Variants in ABCC4 observed in about 807,000 individuals in gnomAD.
ABCC4 encodes ATP-binding cassette sub-family C member 4.
In ABCC4, 102 loss-of-function variants were observed where a neutral mutation model predicts 168.5. The ratio of observed to expected loss-of-function variants is 0.61; its 90% CI spans 0.52 to 0.71. The LOEUF (loss-of-function observed/expected upper bound fraction) is 0.71. ABCC4 is among the 30% of genes least tolerant of loss of function. The pLI is 0.00. For missense variants in ABCC4, 1,402 were observed against 1,605.8 expected (o/e 0.87, Z 2.17); for synonymous variants, 617 against 590.7 (o/e 1.04, Z -0.65).
intron 27 of ABCC4, 122 bp from the exon 28 acceptor site, chr13:95,044,560 A>G (rs2032498107): frequency 2.6e-6 from 2 of 772,136 alleles, no homozygotes; most frequent in Non-Finnish European, 3.9e-6. Flanking sequence ...GTGGACACAC[A>G]CATGAGGCTG....
intron 3 of ABCC4, among the ~76,000 whole-genome samples, chr13:95,245,917 A>C: frequency 8.6e-6 from 1 of 115,658 alleles, no homozygotes; most frequent in Non-Finnish European, 1.7e-5. Flanking sequence ...GCACCGTGAC[A>C]ACTCCCCATC....
At chr13:95,269,561 A>C (rs971010302) in intron 1 of ABCC4, 4 of 155,892 alleles carry the variant, frequency 2.6e-5, no homozygotes, top group African/African-American at 7.2e-5. Flanking sequence ...GAATTGAGAC[A>C]GGACACAGAA....
chr13:95,267,705 G>A (rs1487920395), intron 1 of ABCC4, among the ~76,000 whole-genome samples: 1 of 152,188 alleles, frequency 6.6e-6, no homozygotes, highest in Non-Finnish European at 1.5e-5. Context: ...TGTGGTCCCT[G>A]ATGGTTTACA....
chr13:95,119,530 TA>T (rs2035492184), intron 19 of ABCC4, among the ~76,000 whole-genome samples: 1 of 152,178 alleles, frequency 6.6e-6, no homozygotes, highest in Non-Finnish European at 1.5e-5. Context: ...TAGAATATTA[TA>T]AAAGGTGTTA....
intron 19 of ABCC4, among the ~76,000 whole-genome samples, chr13:95,139,178 A>G (rs1244054974): frequency 1.3e-5 from 2 of 152,176 alleles, no homozygotes; most frequent in Non-Finnish European, 2.9e-5. Flanking sequence ...TTCTGAGTGG[A>G]TGGGTAGAAA....
At chr13:95,122,831 T>C (rs1367710265) in intron 19 of ABCC4, among the ~76,000 whole-genome samples, 1 of 151,784 alleles carries the variant, frequency 6.6e-6, no homozygotes, top group Admixed American at 6.6e-5. Flanking sequence ...CCTCCGCAGC[T>C]AGGGAAGCTA....
At chr13:95,214,661 A>G (rs1023338817) in intron 4 of ABCC4, among the ~76,000 whole-genome samples, 1 of 152,054 alleles carries the variant, frequency 6.6e-6, no homozygotes, top group African/African-American at 2.4e-5. Context: ...TGAGGCGGGC[A>G]GATCACTCGA....
chr13:95,080,595 T>G (rs1004401479), intron 21 of ABCC4, among the ~76,000 whole-genome samples: 3 of 152,134 alleles, frequency 2.0e-5, no homozygotes, highest in Non-Finnish European at 4.4e-5. Flanking sequence ...TGTCTCAGCC[T>G]CCCAAGTAGC....
intron 27 of ABCC4, among the ~76,000 whole-genome samples, chr13:95,046,068 C>A (rs1053691497): frequency 6.6e-6 from 1 of 152,180 alleles, no homozygotes; most frequent in Non-Finnish European, 1.5e-5. Context: ...TGGAATATGT[C>A]AGCTTAGTCA....
At chr13:95,218,925 A>G (rs56198896) in intron 4 of ABCC4, among the ~76,000 whole-genome samples, 19,460 of 94,396 alleles carry the variant, frequency 0.21, 2,415 homozygotes, top group South Asian at 0.3. Context: ...GAGAGAAAGA[A>G]AGAGAAAGAA....
chr13:95,177,986 A>C lies in ABCC4; in HGVS notation c.1640+11T>G. On this transcript the variant is annotated intron_variant, in intron 12 of 30. Coordinates refer to ENST00000645237, the MANE Select transcript of ABCC4 (RefSeq NM_005845.5). ...AGACACCGGCATAGTGGCTGCTGAAATGCAACTTACCTTGCAAGGTTTACC... is the reference window on the plus strand; with the variant it reads ...AGACACCGGCATAGTGGCTGCTGAACTGCAACTTACCTTGCAAGGTTTACC... 1 of 1,613,924 alleles carries C rather than the reference A, an allele frequency of 6.2e-7. No homozygotes were observed. The highest frequency in any genetic ancestry group is 8.5e-7 in the Non-Finnish European group (1 of 1,179,784).
chr13:95,285,390 A>G (rs1422282094), intron 1 of ABCC4, among the ~76,000 whole-genome samples: 1 of 152,032 alleles, frequency 6.6e-6, no homozygotes, highest in Non-Finnish European at 1.5e-5. Flanking sequence ...ATCTCTACTA[A>G]AACACAACAA....
chr13:95,164,650 G>A (rs1360851200), intron 15 of ABCC4, 132 bp from the exon 16 acceptor site: 6 of 889,542 alleles, frequency 6.7e-6, no homozygotes, highest in Non-Finnish European at 6.7e-6. Context: ...TGTGGAGAAG[G>A]GTGTGGAAAT....
At chr13:95,124,766 G>A (rs867477489) in intron 19 of ABCC4, among the ~76,000 whole-genome samples, 92 of 137,984 alleles carry the variant, frequency 6.7e-4, no homozygotes, top group African/African-American at 2.3e-3. Flanking sequence ...CTGTAGTCCC[G>A]GCTACTCGTG....
chr13:95,205,544 AC>A (rs1372085980), intron 8 of ABCC4, among the ~76,000 whole-genome samples: 1 of 152,222 alleles, frequency 6.6e-6, no homozygotes, highest in Non-Finnish European at 1.5e-5. Context: ...ACACACAAAT[AC>A]TTGAGCATAC....
rs186925354 is a variant in ABCC4 at position 95,192,107 on chromosome 13, C to T, written c.1263+2729G>A. On this transcript the variant is annotated intron_variant, in intron 9 of 30. Transcript: ENST00000645237. ...CCCCATGGAGAGTCACAGGCTCTCA[C>T]GGGGCCACAGACTTTACAGCTTCAG... is the stretch of plus-strand genomic sequence containing the variant. Among the ~76,000 whole-genome samples the T allele has an allele frequency of 1.4e-4, 22 of 152,344 alleles. No homozygotes were observed. In the East Asian group the frequency reaches 4.2e-3, roughly 29 times the overall value.
At chr13:95,256,313 G>C (rs1166030578) in intron 1 of ABCC4, among the ~76,000 whole-genome samples, 2 of 152,326 alleles carry the variant, frequency 1.3e-5, no homozygotes, top group South Asian at 2.1e-4. Context: ...ATTGTTCATT[G>C]CAACTAGCAA....
intron 19 of ABCC4, among the ~76,000 whole-genome samples, chr13:95,139,229 CT>C (rs2036236779): frequency 6.6e-6 from 1 of 152,176 alleles, no homozygotes; most frequent in African/African-American, 2.4e-5. Flanking sequence ...TGTATTTGCT[CT>C]GTTTACAAAA....
intron 1 of ABCC4, among the ~76,000 whole-genome samples, chr13:95,298,699 C>T (rs1216880879): frequency 6.6e-6 from 1 of 152,166 alleles, no homozygotes; most frequent in Non-Finnish European, 1.5e-5. Context: ...TCCGACAGCA[C>T]CTGAACTGGA....
Sources: allele counts gnomAD v4.1 joint callset (sites outside exome capture counted in the v4.1 genomes callset), GRCh38; gene constraint gnomAD v4.1.1; transcripts MANE v1.5; gene names NCBI Gene and HGNC (gene_info 2026-07-23, HGNC 2026-07-21).